EPHA3: variants seen among roughly 807,000 people sequenced by gnomAD.
The protein encoded by EPHA3 is EPH receptor A3.
Under a neutral mutation model 107.1 loss-of-function variants are expected in EPHA3, and 42 were observed. The ratio of observed to expected loss-of-function variants is 0.39; its 90% CI spans 0.31 to 0.51. The LOEUF is 0.51. Ranked by LOEUF, EPHA3 falls within the 20% of genes least tolerant of loss-of-function variation. EPHA3 has a pLI of 0.78. For synonymous variants in EPHA3, 461 were observed against 424.8 expected, an observed-to-expected ratio of 1.09 and a Z score of -1.05; for missense variants, 1,183 against 1,211.2, an observed-to-expected ratio of 0.98 and a Z score of 0.35.
chr3:89,382,320 C>A (rs910008734), intron 5 of EPHA3, among the ~76,000 whole-genome samples: 1 of 151,770 alleles, frequency 6.6e-6, no homozygotes, highest in African/African-American at 2.4e-5. Flanking sequence ...CCAGCCTGGC[C>A]AACATGGTGA....
At chr3:89,418,200 T>C in intron 10 of EPHA3, among the ~76,000 whole-genome samples, 1 of 151,436 alleles carries the variant, frequency 6.6e-6, no homozygotes, top group Non-Finnish European at 1.5e-5. Context: ...AATTCTAAAA[T>C]ATTTCAAGAA....
chr3:89,238,520 T>C (rs570783818), intron 3 of EPHA3, among the ~76,000 whole-genome samples: 12 of 152,232 alleles, frequency 7.9e-5, no homozygotes, highest in Non-Finnish European at 1.8e-4. Flanking sequence ...ATGAAGAAAC[T>C]ATTCTTCTTT....
intron 7 of EPHA3, among the ~76,000 whole-genome samples, chr3:89,403,635 G>T (rs1408372750): frequency 6.6e-6 from 1 of 152,134 alleles, no homozygotes; most frequent in African/African-American, 2.4e-5. Flanking sequence ...TAGTCCAATT[G>T]TTTGGAAACC....
rs555235604 is a variant in EPHA3 at position 89,313,030 on chromosome 3, G to T, written c.815-27886G>T. ...TTCCGGGTCTTTGCTATTGTGAATT[G>T]TGTTGCAGTGAACGTATGTGTGCAT... On this transcript the variant is annotated intron_variant, in intron 3 of 16. Transcript: ENST00000336596. Among the ~76,000 whole-genome samples, 5 of 152,032 alleles carry T rather than the reference G, an allele frequency of 3.3e-5. No homozygotes were observed. In the East Asian group the frequency reaches 9.7e-4, roughly 29 times the overall value.
intron 5 of EPHA3, among the ~76,000 whole-genome samples, chr3:89,394,445 A>G (rs1576355725): frequency 6.6e-6 from 1 of 152,226 alleles, no homozygotes; most frequent in South Asian, 2.1e-4. Flanking sequence ...AGGCCAATCC[A>G]TGCTTCAATT....
chr3:89,298,794 C>A (rs1309529458), intron 3 of EPHA3, among the ~76,000 whole-genome samples: 2 of 151,726 alleles, frequency 1.3e-5, no homozygotes, highest in Non-Finnish European at 2.9e-5. Context: ...TATTATAAAA[C>A]AGGTTAAAGT....
At chr3:89,307,525 G>A (rs1706652884) in intron 3 of EPHA3, among the ~76,000 whole-genome samples, 1 of 152,154 alleles carries the variant, frequency 6.6e-6, no homozygotes, top group Non-Finnish European at 1.5e-5. Context: ...ATGGTTACCA[G>A]AATAGTAACA....
At position 89,381,674 on chromosome 3, in the gene EPHA3, G is replaced by GA. The variant is rs536178140; in HGVS notation, c.1307-14152dup. 6.1e-3 allele frequency among the ~76,000 whole-genome samples: 874 copies of GA among 143,174 alleles called. 9 individuals are homozygous for GA. The highest frequency in any genetic ancestry group is 0.02 in the African/African-American group (766 of 39,254). 93.9% of individuals were successfully genotyped at this position (143,174 alleles called of 152,430 possible). On this transcript the variant is annotated intron_variant, in intron 5 of 16. Transcript: ENST00000336596. ...ACGGAGTGAGACTTTGTCTCAAAAA[G>GA]AAAAAAAAAAATTAGGACATGAGCC...
intron 3 of EPHA3, among the ~76,000 whole-genome samples, chr3:89,214,236 G>A (rs1704173557): frequency 6.6e-6 from 1 of 151,898 alleles, no homozygotes; most frequent in Non-Finnish European, 1.5e-5. Context: ...TAATTTTGTG[G>A]CTAAACATTT....
Position 89,433,678 on chromosome 3 carries a change from A to G in EPHA3, c.2346+2319A>G, listed in dbSNP as rs142963217. ...GTCCTACATAAAAATGTTGTTCTTA[A>G]CAAACACAATTCAAATGGATAAGAG... is the stretch of plus-strand genomic sequence containing the variant. On this transcript the variant is annotated intron_variant, in intron 13 of 16. Coordinates refer to ENST00000336596, the MANE Select transcript of EPHA3 (RefSeq NM_005233.6). Among the ~76,000 whole-genome samples the G allele has an allele frequency of 1.2e-4, 18 of 152,338 alleles. No homozygotes were observed. The East Asian group carries it at 1.4e-3, about 11-fold the overall frequency.
chr3:89,318,701 G>C (rs72921795), intron 3 of EPHA3, among the ~76,000 whole-genome samples: 11,679 of 151,878 alleles, frequency 0.077, 632 homozygotes, highest in South Asian at 0.13. Flanking sequence ...TTTGCTTATG[G>C]AGATGCTAAG....
At chr3:89,376,441 T>C (rs1248694571) in intron 5 of EPHA3, among the ~76,000 whole-genome samples, 1 of 151,990 alleles carries the variant, frequency 6.6e-6, no homozygotes, top group South Asian at 2.1e-4. Flanking sequence ...AAGTTGTACC[T>C]TTAAAATTAG....
At chr3:89,244,005 C>T (rs769425611) in intron 3 of EPHA3, among the ~76,000 whole-genome samples, 1 of 152,076 alleles carries the variant, frequency 6.6e-6, no homozygotes, top group Non-Finnish European at 1.5e-5. Flanking sequence ...TTACTTCTGA[C>T]AATACTTATA....
At chr3:89,141,106 A>T (rs1704422589) in intron 2 of EPHA3, among the ~76,000 whole-genome samples, 1 of 151,682 alleles carries the variant, frequency 6.6e-6, no homozygotes, top group Non-Finnish European at 1.5e-5. Context: ...TGATTCCCAT[A>T]AAATGCACGT....
intron 15 of EPHA3, among the ~76,000 whole-genome samples, chr3:89,468,131 G>T (rs1336956402): frequency 1.3e-5 from 2 of 152,112 alleles, no homozygotes; most frequent in African/African-American, 4.8e-5. Flanking sequence ...AAACTCTCCA[G>T]ATGTCCTCTC....
intron 3 of EPHA3, among the ~76,000 whole-genome samples, chr3:89,273,908 G>C (rs559842806): frequency 1.3e-5 from 2 of 151,850 alleles, no homozygotes; most frequent in East Asian, 1.9e-4. Context: ...CTGTGCTTTC[G>C]GGCCATTTTA....
At chr3:89,207,249 T>C (rs1335690422) in intron 2 of EPHA3, among the ~76,000 whole-genome samples, 1 of 152,184 alleles carries the variant, frequency 6.6e-6, no homozygotes, top group East Asian at 1.9e-4. Context: ...ATTAATATTT[T>C]ATTTTATTTT....
At chr3:89,301,171 G>A (rs1173637624) in intron 3 of EPHA3, among the ~76,000 whole-genome samples, 1 of 152,056 alleles carries the variant, frequency 6.6e-6, no homozygotes, top group Non-Finnish European at 1.5e-5. Flanking sequence ...TAAGCACCAA[G>A]GAAGTATTCT....
chr3:89,399,921 T>C (rs1267914889), intron 7 of EPHA3: 4 of 1,055,890 alleles, frequency 3.8e-6, no homozygotes, highest in Admixed American at 5.4e-5. Context: ...ACAGAGAGAA[T>C]AAGGATTTTC....
Sources: allele counts gnomAD v4.1 joint callset (sites outside exome capture counted in the v4.1 genomes callset), GRCh38; gene constraint gnomAD v4.1.1; transcripts MANE v1.5; gene names NCBI Gene and HGNC (gene_info 2026-07-23, HGNC 2026-07-21).